Variants in SCUBE2 observed in about 807,000 individuals in gnomAD.
SCUBE2 encodes signal peptide, CUB domain and EGF like domain containing 2, also known as signal peptide, CUB and EGF-like domain-containing protein 2.
SCUBE2 carries 114 observed loss-of-function variants against 125.9 expected under a neutral mutation model. The observed-to-expected ratio is 0.91, with a 90% CI of 0.78 to 1.06. The LOEUF is 1.06. Ranked by LOEUF, SCUBE2 falls within the 50% of genes least tolerant of loss-of-function variation. The pLI, the probability that SCUBE2 is intolerant of heterozygous loss-of-function variation, is 0.00. For missense variants in SCUBE2, 1,255 were observed against 1,301.8 expected (o/e 0.96, Z 0.55); for synonymous variants, 459 against 492.9 (o/e 0.93, Z 0.91).
At position 9,091,461 on chromosome 11, in the gene SCUBE2, GGCA is replaced by G. The variant is rs59844091; in HGVS notation, c.65_67del (p.Leu22del). 475,529 of 1,212,078 alleles carry G rather than the reference GGCA, an allele frequency of 0.39. 100,677 individuals carry two copies. The highest frequency in any genetic ancestry group is 0.78 in the African/African-American group (47,708 of 60,808). 75.1% of individuals were successfully genotyped at this position (1,212,078 alleles called of 1,614,324 possible). On this transcript the variant is annotated inframe_deletion, in exon 1 of 23. Coordinates refer to ENST00000649792, the MANE Select transcript of SCUBE2 (RefSeq NM_001367977.2). This position sits in a 1 kb window ranked among gnomAD's most constrained non-coding sequence, Gnocchi z 8.5. ...GGCCCCCGCCAGCAGCAGCAGTGGC[GGCA>G]GCAGCAGCAGCAGCAGCAGCACCGC...
intron 16 of SCUBE2, among the ~76,000 whole-genome samples, chr11:9,044,591 T>C (rs1236503597): frequency 2.6e-5 from 4 of 152,202 alleles, no homozygotes; most frequent in African/African-American, 4.8e-5. Flanking sequence ...TTCAACACAG[T>C]AGCCAAAGTT....
intron 10 of SCUBE2, 51 bp from the exon 11 acceptor site, chr11:9,053,810 G>A (rs753924268): frequency 3.8e-6 from 6 of 1,589,594 alleles, no homozygotes; most frequent in Non-Finnish European, 4.3e-6. Flanking sequence ...TGAATGGGCT[G>A]ACATGGTCCC....
At chr11:9,054,701 GTATA>G (rs1210852364) in intron 10 of SCUBE2, among the ~76,000 whole-genome samples, 898 of 51,016 alleles carry the variant, frequency 0.018, 36 homozygotes, top group Non-Finnish European at 0.024. Context: ...AAGCACTAGT[GTATA>G]TATATATATA....
intron 17 of SCUBE2, among the ~76,000 whole-genome samples, chr11:9,031,989 T>C (rs10840160): frequency 0.33 from 49,938 of 152,140 alleles, 9,991 homozygotes; most frequent in Non-Finnish European, 0.44. Context: ...AAAGAGTCAC[T>C]GTAGCCTCGT....
chr11:9,055,018 G>A (rs1055534171), intron 10 of SCUBE2, among the ~76,000 whole-genome samples: 4 of 152,106 alleles, frequency 2.6e-5, no homozygotes, highest in Admixed American at 2.0e-4. Context: ...AGAGCCGTAA[G>A]CCACCACGCC....
intron 11 of SCUBE2, 63 bp downstream of exon 11, chr11:9,053,574 G>C (rs1015008589): frequency 1.3e-6 from 2 of 1,591,294 alleles, no homozygotes; most frequent in African/African-American, 2.7e-5. Context: ...AGCACGCAGA[G>C]CTGCACTGCC....
chr11:9,046,001 C>CT (rs58572754), intron 16 of SCUBE2, among the ~76,000 whole-genome samples: 1,150 of 91,964 alleles, frequency 0.013, 9 homozygotes, highest in Non-Finnish European at 0.014. Flanking sequence ...GTCTTTCTTT[C>CT]TTTTTTTTTT....
At chr11:9,072,695 T>C (rs767901763) in intron 4 of SCUBE2, among the ~76,000 whole-genome samples, 4 of 152,186 alleles carry the variant, frequency 2.6e-5, no homozygotes, top group Admixed American at 1.3e-4. Flanking sequence ...AGCAATCAGG[T>C]TGAAACACAA....
chr11:9,041,033 T>G (rs1857194288), intron 16 of SCUBE2, among the ~76,000 whole-genome samples: 1 of 152,198 alleles, frequency 6.6e-6, no homozygotes, highest in African/African-American at 2.4e-5. Context: ...GCACTAGCAA[T>G]AGTCAAAAAG....
intron 16 of SCUBE2, among the ~76,000 whole-genome samples, chr11:9,038,807 A>G (rs1295059878): frequency 4.6e-5 from 7 of 152,242 alleles, no homozygotes; most frequent in Non-Finnish European, 7.3e-5. Flanking sequence ...TGGTAAGGAA[A>G]TTAGACCTTA....
intron 2 of SCUBE2, among the ~76,000 whole-genome samples, chr11:9,087,709 G>A (rs1004839368): frequency 3.3e-5 from 5 of 152,136 alleles, no homozygotes; most frequent in Admixed American, 6.5e-5. Flanking sequence ...AAACTTGCCC[G>A]TCATAATCCC....
At chr11:9,039,437 C>T (rs1305334424) in intron 16 of SCUBE2, among the ~76,000 whole-genome samples, 2 of 152,156 alleles carry the variant, frequency 1.3e-5, no homozygotes, top group African/African-American at 4.8e-5. Flanking sequence ...GTGCCCCTTA[C>T]TGAGATGCTG....
intron 21 of SCUBE2, among the ~76,000 whole-genome samples, chr11:9,023,561 T>TA (rs201747414): frequency 0.02 from 2,976 of 152,124 alleles, 42 homozygotes; most frequent in Non-Finnish European, 0.032. Context: ...TGCTATCGTT[T>TA]AAAAAAAATA....
intron 18 of SCUBE2, chr11:9,030,262 T>C (rs541782634): frequency 3.1e-5 from 18 of 582,582 alleles, no homozygotes; most frequent in African/African-American, 2.0e-4. Context: ...GATATGTGTG[T>C]ATCTCCAAAG....
intron 9 of SCUBE2, among the ~76,000 whole-genome samples, chr11:9,056,554 T>C (rs553902594): frequency 6.6e-6 from 1 of 152,170 alleles, no homozygotes; most frequent in South Asian, 2.1e-4. Context: ...ATGCCTTGGT[T>C]TTGCTCCTCC....
At chr11:9,024,182 C>T in intron 21 of SCUBE2, 1 of 1,060,788 alleles carries the variant, frequency 9.4e-7, no homozygotes, top group Non-Finnish European at 1.1e-6. Context: ...AAAATCAAGA[C>T]ATTTTCATGT....
chr11:9,041,453 G>A lies in SCUBE2; in HGVS notation c.2002+5903C>T, dbSNP rs79843068. ...ATAATCAGAAAGTAGGGGAGGAACC[G>A]GAACCAGCATTGAAAATGAAAAGGG... On this transcript the variant is annotated intron_variant, in intron 16 of 22. Coordinates refer to ENST00000649792, the MANE Select transcript of SCUBE2 (RefSeq NM_001367977.2). Among the ~76,000 whole-genome samples, 1,520 of 152,228 alleles carry A rather than the reference G, an allele frequency of 1.0e-2. 23 individuals carry two copies. Among genetic ancestry groups the A allele is most frequent in the African/African-American group, 0.034 (1,414 of 41,542 alleles).
Position 9,033,694 on chromosome 11 carries a change from G to C in SCUBE2, c.2105C>G (p.Pro702Arg). 6.2e-7 allele frequency: 1 copy of C among 1,614,102 alleles called. No individual in the cohort carries two copies. The highest frequency in any genetic ancestry group is 8.5e-7 in the Non-Finnish European group (1 of 1,180,016). Residue 702 changes from proline to arginine, a missense_variant, in exon 17 of 23, where the codon CCA becomes CGA. By Grantham distance (103) the Pro-to-Arg change is moderately radical. Around this residue, in one of 3 missense-constraint regions of SCUBE2, gnomAD observed 515 missense variants for 515.7 expected, o/e 1.00. Transcript: ENST00000649792. Reference sequence around the variant, plus strand: ...CCCAGAATTTCCTGGTCTTGGGCATGGTTCACAAGTCATTTGTCCTTCCTC... The same window carrying C: ...CCCAGAATTTCCTGGTCTTGGGCATCGTTCACAAGTCATTTGTCCTTCCTC... ...QNEEGQMTCEPCPRPGNSGAL... is the reference protein window; with the variant it reads ...QNEEGQMTCERCPRPGNSGAL...
chr11:9,060,030 T>C (rs1168724545), intron 8 of SCUBE2, among the ~76,000 whole-genome samples: 1 of 152,234 alleles, frequency 6.6e-6, no homozygotes, highest in Non-Finnish European at 1.5e-5. Flanking sequence ...TTAAGTCCTC[T>C]GGATAATCAT....
Sources: allele counts gnomAD v4.1 joint callset (sites outside exome capture counted in the v4.1 genomes callset), GRCh38; gene constraint gnomAD v4.1.1; regional missense constraint gnomAD v4.1.1; non-coding constraint Gnocchi (gnomAD v3.1); transcripts MANE v1.5; gene names NCBI Gene and HGNC (gene_info 2026-07-23, HGNC 2026-07-21).